CGGBP1: variants seen among roughly 807,000 people sequenced by gnomAD.
CGGBP1 encodes CGG triplet repeat binding protein 1.
A neutral mutation model predicts 11.4 loss-of-function variants in CGGBP1; 4 were observed. The ratio of observed to expected loss-of-function variants is 0.35; its 90% CI spans 0.17 to 0.80. The LOEUF is 0.80. CGGBP1 is among the 30% of genes least tolerant of loss of function. CGGBP1 has a pLI of 0.52. For missense variants in CGGBP1, 135 were observed against 202.1 expected, an observed-to-expected ratio of 0.67 and a Z score of 2.01; for synonymous variants, 76 against 74.1, an observed-to-expected ratio of 1.03 and a Z score of -0.13.
chr3:88,128,611 C>G (rs1706262512), intron 2 of CGGBP1, among the ~76,000 whole-genome samples: 1 of 151,950 alleles, frequency 6.6e-6, no homozygotes, highest in Non-Finnish European at 1.5e-5. Flanking sequence ...TTCTTGAGCA[C>G]TGTTTTGGTG....
At chr3:88,089,826 G>A (rs767641924) in intron 2 of CGGBP1, among the ~76,000 whole-genome samples, 12 of 152,116 alleles carry the variant, frequency 7.9e-5, no homozygotes, top group Non-Finnish European at 1.5e-4. Flanking sequence ...ATAAGATTTT[G>A]GGCTAGTCCA....
intron 2 of CGGBP1, chr3:88,140,301 G>A (rs1487167562): frequency 6.2e-7 from 1 of 1,613,710 alleles, no homozygotes; most frequent in Non-Finnish European, 8.5e-7. Flanking sequence ...AGAGTCATCT[G>A]CACAACCAAG....
upstream of CGGBP1, among the ~76,000 whole-genome samples, chr3:88,063,548 A>C (rs2107587795): frequency 6.6e-6 from 1 of 152,338 alleles, no homozygotes; most frequent in Non-Finnish European, 1.5e-5. Context: ...TACTTATTAT[A>C]GCTCTATGAA....
chr3:88,134,156 T>C (rs1475398646), intron 2 of CGGBP1, among the ~76,000 whole-genome samples: 1 of 151,688 alleles, frequency 6.6e-6, no homozygotes, highest in Non-Finnish European at 1.5e-5. Flanking sequence ...ATAGCTAGTA[T>C]GAAATGGAAT....
At chr3:88,060,230 A>G (rs1434797095), upstream of CGGBP1, among the ~76,000 whole-genome samples, 9 of 152,030 alleles carry the variant, frequency 5.9e-5, no homozygotes, top group Non-Finnish European at 8.8e-5. Context: ...AACCCCCCTC[A>G]TCCTTCAATA....
Position 88,119,839 on chromosome 3 carries a change from G to C in CGGBP1, c.-229+21131C>G, listed in dbSNP as rs553101084. 2.0e-5 allele frequency among the ~76,000 whole-genome samples: 3 copies of C among 152,168 alleles called. No homozygotes were observed. In the South Asian group the frequency reaches 6.2e-4, roughly 32 times the overall value. On this transcript the variant is annotated intron_variant, in intron 2 of 3. Transcript: ENST00000462901. ...TAATGATAGGGTTGTACTTCCATTA[G>C]CATGGCAACTACCAACTAATTTTGA...
intron 2 of CGGBP1, among the ~76,000 whole-genome samples, chr3:88,064,663 G>T (rs1252525298): frequency 5.9e-5 from 9 of 152,154 alleles, no homozygotes; most frequent in African/African-American, 2.2e-4. Flanking sequence ...TGTTAAGCCA[G>T]TTACCACCCA....
At chr3:88,093,547 T>C (rs1350126026) in intron 2 of CGGBP1, among the ~76,000 whole-genome samples, 1 of 152,182 alleles carries the variant, frequency 6.6e-6, no homozygotes, top group Admixed American at 6.5e-5. Context: ...TGGCAAGCTG[T>C]CTAAGAGAAA....
intron 2 of CGGBP1, among the ~76,000 whole-genome samples, chr3:88,083,529 T>G (rs1277828751): frequency 1.3e-5 from 2 of 152,212 alleles, no homozygotes; most frequent in East Asian, 3.9e-4. Flanking sequence ...CTTCTGGCCT[T>G]GGCTATTGCT....
chr3:88,054,297 C>G lies in CGGBP1; in HGVS notation c.*1176G>C, dbSNP rs1360916934. 6.6e-6 allele frequency: 1 copy of G among 152,388 alleles called. No homozygotes were observed. Among genetic ancestry groups the G allele is most frequent in the African/African-American group, 2.4e-5 (1 of 41,420 alleles). 9.4% of individuals were successfully genotyped at this position (152,388 alleles called of 1,614,324 possible). On this transcript the variant is annotated 3_prime_UTR_variant, in exon 4 of 4. Transcript: ENST00000482016. ...GATAGAACTTAGCTGGGCTAAGCTA[C>G]TTGGATAACCTTACAGGATAGTGAG...
In CGGBP1 at chr3:88,149,861, AAC is replaced by A. The variant is rs1707377300; in HGVS notation, c.-490_-489del. On this transcript the variant is annotated 5_prime_UTR_variant, in exon 1 of 4. Transcript: ENST00000462901. ...GGACTTCACTCCGTCCCCAGCCCGG[AAC>A]CACAAGTGAGGGCACTGCGTTTCCT... The A allele has an allele frequency of 9.4e-6, 6 of 635,360 alleles. No homozygotes were observed. The East Asian group carries it at 1.7e-4, about 18-fold the overall frequency. The allele number at this position is 635,360 out of a possible 1,614,324, so 39.4% of individuals were successfully genotyped here.
intron 2 of CGGBP1, chr3:88,129,066 C>CA: frequency 8.0e-7 from 1 of 1,250,086 alleles, no homozygotes; most frequent in African/African-American, 1.6e-5. Context: ...CAAAAAAAAA[C>CA]CAAAAAAAAA....
At chr3:88,072,623 C>G (rs1350755787) in intron 2 of CGGBP1, among the ~76,000 whole-genome samples, 1 of 152,114 alleles carries the variant, frequency 6.6e-6, no homozygotes, top group African/African-American at 2.4e-5. Flanking sequence ...GAGGCCTTCC[C>G]TGAACACCCC....
At chr3:88,122,511 A>G (rs1432457370) in intron 2 of CGGBP1, among the ~76,000 whole-genome samples, 2 of 152,190 alleles carry the variant, frequency 1.3e-5, no homozygotes, top group African/African-American at 2.4e-5. Flanking sequence ...GGGGTAAAAT[A>G]TTAAGAAATG....
chr3:88,062,643 C>A (rs4858983), upstream of CGGBP1, among the ~76,000 whole-genome samples: 119,205 of 152,150 alleles, frequency 0.78, 47,617 homozygotes, highest in South Asian at 0.91. Context: ...AGTTAAGATA[C>A]TTTCTTCTTA....
At chr3:88,104,946 C>T (rs1445574635) in intron 2 of CGGBP1, among the ~76,000 whole-genome samples, 2 of 152,204 alleles carry the variant, frequency 1.3e-5, no homozygotes, top group Non-Finnish European at 2.9e-5. Flanking sequence ...TGAGACCAGC[C>T]TGGCCAACAT....
At chr3:88,100,573 A>G (rs949991110) in intron 2 of CGGBP1, among the ~76,000 whole-genome samples, 20 of 152,220 alleles carry the variant, frequency 1.3e-4, no homozygotes, top group African/African-American at 3.1e-4. Context: ...ATGTCCATCA[A>G]TGATAGACTG....
intron 2 of CGGBP1, among the ~76,000 whole-genome samples, chr3:88,105,774 G>A (rs546709321): frequency 2.1e-3 from 316 of 152,238 alleles, no homozygotes; most frequent in Non-Finnish European, 3.6e-3. Flanking sequence ...TGTGACTGAA[G>A]TTTGAATATC....
chr3:88,124,429 G>T (rs1705960063), intron 2 of CGGBP1, among the ~76,000 whole-genome samples: 1 of 152,156 alleles, frequency 6.6e-6, no homozygotes, highest in African/African-American at 2.4e-5. Context: ...TGGACTGAAT[G>T]ATTATTTTAA....
Sources: allele counts gnomAD v4.1 joint callset (sites outside exome capture counted in the v4.1 genomes callset), GRCh38; gene constraint gnomAD v4.1.1; transcripts MANE v1.5; gene names NCBI Gene and HGNC (gene_info 2026-07-23, HGNC 2026-07-21).